The following TMEM51 variants were observed in gnomAD, a reference collection of about 807,000 sequenced individuals.
TMEM51 encodes transmembrane protein 51, also known as chromosome 1 open reading frame 72.
A neutral mutation model predicts 13.6 loss-of-function variants in TMEM51; 8 were observed. The ratio of observed to expected loss-of-function variants is 0.59; its 90% CI spans 0.35 to 1.07. TMEM51 has a LOEUF of 1.07. Among genes scored for constraint, TMEM51 ranks in the 50% least tolerant of loss-of-function variants. The pLI, the probability that TMEM51 is intolerant of heterozygous loss-of-function variation, is 0.02. For missense variants in TMEM51, 279 were observed against 330.7 expected (o/e 0.84, Z 1.21); for synonymous variants, 147 against 144.4 (o/e 1.02, Z -0.13).
Position 15,215,366 on chromosome 1 carries a change from G to A in TMEM51, c.279G>A (p.Gln93=), listed in dbSNP as rs769886802. 4 of 1,612,578 alleles carry A rather than the reference G, an allele frequency of 2.5e-6. No individual in the cohort carries two copies. The highest frequency in any genetic ancestry group is 1.1e-5 in the South Asian group (1 of 91,074). The change falls in exon 3 of 4, where the codon CAG becomes CAA. Residue 93 remains glutamine, a synonymous_variant. Coordinates refer to ENST00000376008, the MANE Select transcript of TMEM51 (RefSeq NM_001136218.2). ...LSIRDKRKQR[Q]GEDLAHVQHP... is the part of the protein sequence containing the mutation. Reference sequence around the variant, plus strand: ...TCAGGGATAAGAGGAAGCAGCGGCAGGGCGAGGACCTGGCCCATGTCCAGC... The same window carrying A: ...TCAGGGATAAGAGGAAGCAGCGGCAAGGCGAGGACCTGGCCCATGTCCAGC...
intron 1 of TMEM51, among the ~76,000 whole-genome samples, chr1:15,163,053 G>C (rs1316101314): frequency 6.6e-6 from 1 of 151,918 alleles, no homozygotes; most frequent in Non-Finnish European, 1.5e-5. Flanking sequence ...GTTGGTGGGT[G>C]GGGGAGTCAT....
chr1:15,218,555 G>A (rs1218248758), intron 3 of TMEM51, among the ~76,000 whole-genome samples: 1 of 152,148 alleles, frequency 6.6e-6, no homozygotes, highest in Non-Finnish European at 1.5e-5. Context: ...TATAATAATA[G>A]TGAGATAGAA....
At chr1:15,155,895 T>C (rs1211046048) in intron 1 of TMEM51, among the ~76,000 whole-genome samples, 7 of 152,200 alleles carry the variant, frequency 4.6e-5, no homozygotes, top group Middle Eastern at 3.2e-3. Context: ...GGAAGTCGTC[T>C]GATCCCATCC....
At chr1:15,210,298 T>G (rs1644318407) in intron 1 of TMEM51, among the ~76,000 whole-genome samples, 192 bp from the exon 2 acceptor site, 2 of 152,232 alleles carry the variant, frequency 1.3e-5, no homozygotes, top group South Asian at 2.1e-4. Flanking sequence ...GTTGTCATCC[T>G]TCTGCAACTC....
intron 1 of TMEM51, among the ~76,000 whole-genome samples, chr1:15,208,217 C>G (rs1644282895): frequency 6.6e-6 from 1 of 152,170 alleles, no homozygotes; most frequent in South Asian, 2.1e-4. Context: ...AGGAACTCAG[C>G]AGGGGACCCA....
chr1:15,198,077 G>A (rs1318232384), intron 1 of TMEM51, among the ~76,000 whole-genome samples: 1 of 152,104 alleles, frequency 6.6e-6, no homozygotes, highest in Non-Finnish European at 1.5e-5. Context: ...AGGGACCTAG[G>A]CTCCTTCTAT....
intron 1 of TMEM51, among the ~76,000 whole-genome samples, chr1:15,158,694 G>C (rs568017825): frequency 1.3e-5 from 2 of 152,258 alleles, no homozygotes; most frequent in South Asian, 4.2e-4. Context: ...AACAGGATGG[G>C]GCGGGGTCTC....
At chr1:15,180,915 G>GT in intron 1 of TMEM51, among the ~76,000 whole-genome samples, 1 of 152,170 alleles carries the variant, frequency 6.6e-6, no homozygotes. Context: ...TGAAACTTGG[G>GT]TCTGCTCAAC....
At chr1:15,155,622 C>A (rs534513878) in intron 1 of TMEM51, among the ~76,000 whole-genome samples, 1 of 152,082 alleles carries the variant, frequency 6.6e-6, no homozygotes, top group Non-Finnish European at 1.5e-5. Flanking sequence ...CTGGGCAGAT[C>A]GAACAGCACA....
chr1:15,219,259 T>C, intron 3 of TMEM51, 67 bp from the exon 4 acceptor site: 1 of 1,500,640 alleles, frequency 6.7e-7, no homozygotes, highest in Non-Finnish European at 8.9e-7. Context: ...TTGGAGCCCA[T>C]CCCTTTGGGA....
At position 15,161,205 on chromosome 1, in the gene TMEM51, T is replaced by C. The variant is rs559856489; in HGVS notation, c.-267+7251T>C. On this transcript the variant is annotated intron_variant, in intron 1 of 3. Coordinates refer to ENST00000376008, the MANE Select transcript of TMEM51 (RefSeq NM_001136218.2). This position sits in a 1 kb window ranked among gnomAD's most constrained non-coding sequence, Gnocchi z 4.0. ...TGGAAAAAGTATTTTATATAGTTTC[T>C]TCTTAAAAGTCATTTTGGGGGCTGG... Among the ~76,000 whole-genome samples the C allele has an allele frequency of 6.6e-6, 1 of 152,170 alleles. No homozygotes were observed. Among genetic ancestry groups the C allele is most frequent in the South Asian group, 2.1e-4 (1 of 4,824 alleles).
At position 15,214,886 on chromosome 1, in the gene TMEM51, T is replaced by C; in HGVS notation, c.-193-9T>C. On this transcript the variant is annotated splice_polypyrimidine_tract_variant and intron_variant, in intron 2 of 3. Coordinates refer to ENST00000376008, the MANE Select transcript of TMEM51 (RefSeq NM_001136218.2). The stretch of plus-strand genomic sequence containing the variant: ...ATCGTCCTCTCTGCTCTTTCTGCTT[T>C]CCTTCCAGGCCCTTCCACCGCAGCC... The C allele has an allele frequency of 1.7e-6, 1 of 584,376 alleles. No individual in the cohort carries two copies. The highest frequency in any genetic ancestry group is 2.8e-5 in the East Asian group (1 of 35,208). 36.2% of individuals were successfully genotyped at this position (584,376 alleles called of 1,614,324 possible).
intron 1 of TMEM51, among the ~76,000 whole-genome samples, chr1:15,195,144 G>A (rs1230369157): frequency 6.6e-6 from 1 of 151,740 alleles, no homozygotes; most frequent in African/African-American, 2.4e-5. Context: ...TGTTGCCCAG[G>A]CTGGTCTCGA....
In TMEM51 at chr1:15,219,869, C is replaced by T. The variant is rs770013038; in HGVS notation, c.*126C>T. 66 of 1,083,844 alleles carry T rather than the reference C, an allele frequency of 6.1e-5. No homozygotes were observed. The highest frequency in any genetic ancestry group is 7.0e-5 in the Non-Finnish European group (54 of 770,132). The allele number at this position is 1,083,844 out of a possible 1,614,324, so 67.1% of individuals were successfully genotyped here. A position where few individuals can be genotyped will look rare whatever the true frequency, so the allele number is the denominator to read the frequency against. ...GCTGTGCATGGAGCCATTTGGATGGCGGCGGGCGGGGGGGGATTCTCTGTA... is the reference window on the plus strand; with the variant it reads ...GCTGTGCATGGAGCCATTTGGATGGTGGCGGGCGGGGGGGGATTCTCTGTA... On this transcript the variant is annotated 3_prime_UTR_variant, in exon 4 of 4. Coordinates refer to ENST00000376008, the MANE Select transcript of TMEM51 (RefSeq NM_001136218.2).
chr1:15,183,493 T>G (rs1188439120), intron 1 of TMEM51, among the ~76,000 whole-genome samples: 1 of 152,236 alleles, frequency 6.6e-6, no homozygotes, highest in Non-Finnish European at 1.5e-5. Context: ...ACATGGTATC[T>G]ATCTCGCCTA....
chr1:15,212,395 G>A (rs185419566), intron 2 of TMEM51, among the ~76,000 whole-genome samples: 20 of 152,290 alleles, frequency 1.3e-4, no homozygotes, highest in African/African-American at 4.8e-4. Context: ...TGCAGCATAA[G>A]GCAAAGCTGG....
chr1:15,194,137 G>A (rs1573423701), intron 1 of TMEM51, among the ~76,000 whole-genome samples: 1 of 152,170 alleles, frequency 6.6e-6, no homozygotes, highest in Non-Finnish European at 1.5e-5. Flanking sequence ...TTTACCTCCT[G>A]CAGCCACACT....
intron 1 of TMEM51, among the ~76,000 whole-genome samples, chr1:15,176,786 G>A (rs1643468573): frequency 6.6e-6 from 1 of 152,204 alleles, no homozygotes; most frequent in Non-Finnish European, 1.5e-5. Context: ...GGCTGTGAGG[G>A]ACACTGAAGT....
At chr1:15,197,298 G>A (rs1644069238) in intron 1 of TMEM51, among the ~76,000 whole-genome samples, 1 of 152,184 alleles carries the variant, frequency 6.6e-6, no homozygotes, top group African/African-American at 2.4e-5. Flanking sequence ...ACTGAGAATG[G>A]GGAGGGCCCT....
Sources: allele counts gnomAD v4.1 joint callset (sites outside exome capture counted in the v4.1 genomes callset), GRCh38; gene constraint gnomAD v4.1.1; non-coding constraint Gnocchi (gnomAD v3.1); transcripts MANE v1.5; gene names NCBI Gene and HGNC (gene_info 2026-07-23, HGNC 2026-07-21).